Variants in KIFC3 observed in about 807,000 individuals in gnomAD.
The protein encoded by KIFC3 is kinesin-like protein KIFC3.
In KIFC3, 60 loss-of-function variants were observed where a neutral mutation model predicts 101.8. That is an observed-to-expected ratio of 0.59 (90% CI 0.48 to 0.73). The LOEUF (loss-of-function observed/expected upper bound fraction) is 0.73. Ranked by LOEUF, KIFC3 falls within the 30% of genes least tolerant of loss-of-function variation. KIFC3 has a pLI of 0.00. For synonymous variants in KIFC3, 476 were observed against 482.7 expected, an observed-to-expected ratio of 0.99 and a Z score of 0.18; for missense variants, 966 against 1,137.1, an observed-to-expected ratio of 0.85 and a Z score of 2.16.
intron 1 of KIFC3, among the ~76,000 whole-genome samples, chr16:57,844,076 C>T (rs1382496397): frequency 6.6e-6 from 1 of 151,528 alleles, no homozygotes; most frequent in Non-Finnish European, 1.5e-5. Flanking sequence ...CCACTGCACT[C>T]CAGCCTGGGC....
Position 57,798,155 on chromosome 16 carries a change from G to C in KIFC3, c.89C>G (p.Pro30Arg), listed in dbSNP as rs781922158. The C allele has an allele frequency of 6.5e-6, 10 of 1,545,490 alleles. No homozygotes were observed. The South Asian group carries it at 8.4e-5, about 13-fold the overall frequency. The change falls in exon 2 of 20, where the codon CCG (proline) becomes CGG (arginine). Residue 30 changes from proline to arginine, a missense_variant. Around this residue, in one of 2 missense-constraint regions of KIFC3, gnomAD observed 277 missense variants for 252.5 expected, o/e 1.10. Transcript: ENST00000445690. Reference protein sequence around the residue: ...WRVGRAPEPEPGMARPAPAPA... With the variant: ...WRVGRAPEPERGMARPAPAPA... Reference sequence around the variant, plus strand: ...GGCTGGGGCGGGGCGAGCCATCCCCGGCTCGGGCTCCGGGGCCCGGCCCAC... The same window carrying C: ...GGCTGGGGCGGGGCGAGCCATCCCCCGCTCGGGCTCCGGGGCCCGGCCCAC...
At chr16:57,859,810 G>T (rs247053) in intron 1 of KIFC3, among the ~76,000 whole-genome samples, 138,453 of 151,850 alleles carry the variant, frequency 0.91, 63,112 homozygotes, top group Middle Eastern at 0.97. Flanking sequence ...CCACTTGAGG[G>T]CAGGAGTTTG....
chr16:57,759,346 C>T (rs1043613267), intron 18 of KIFC3, 193 bp from the exon 19 acceptor site: 15 of 663,236 alleles, frequency 2.3e-5, no homozygotes, highest in Middle Eastern at 2.5e-4. Flanking sequence ...TAGGCAAGCC[C>T]GGCCCTTTCT....
At chr16:57,798,461 C>G in intron 1 of KIFC3, 179 bp from the exon 2 acceptor site, 1 of 625,988 alleles carries the variant, frequency 1.6e-6, no homozygotes. Context: ...ATGGGGCCTG[C>G]TGCCTTTTGG....
Position 57,838,891 on chromosome 16 carries a change from C to T in KIFC3, c.108+23838G>A, listed in dbSNP as rs749455259. On this transcript the variant is annotated intron_variant, in intron 1 of 2. Coordinates refer to the KIFC3 transcript ENST00000563028. ...GGCACCGCCATGTGTAGCTGCGTTA[C>T]GCTTTCGGTGGAAAGATGACATGGA... Among the ~76,000 whole-genome samples the T allele has an allele frequency of 3.3e-5, 5 of 152,256 alleles. No homozygotes were observed. The East Asian group carries it at 5.8e-4, about 18-fold the overall frequency.
intron 3 of KIFC3, chr16:57,779,428 A>G (rs1435674354): frequency 6.6e-6 from 1 of 152,270 alleles, no homozygotes; most frequent in Admixed American, 6.5e-5. Flanking sequence ...CCCAAATTTC[A>G]GTAGCAGAAG....
chr16:57,842,935 C>T (rs1464778804), intron 1 of KIFC3, among the ~76,000 whole-genome samples: 2 of 152,112 alleles, frequency 1.3e-5, no homozygotes, highest in African/African-American at 4.8e-5. Context: ...GAGTTTGAGA[C>T]CAGCTTGGCC....
intron 1 of KIFC3, among the ~76,000 whole-genome samples, chr16:57,801,671 G>A (rs1598170101): frequency 6.6e-6 from 1 of 152,210 alleles, no homozygotes; most frequent in African/African-American, 2.4e-5. Context: ...ATGGAGGTGG[G>A]GGCTGGGTGG....
At chr16:57,770,072 A>ATG in intron 7 of KIFC3, 117 bp from the exon 8 acceptor site, 4 of 1,206,212 alleles carry the variant, frequency 3.3e-6, no homozygotes, top group Non-Finnish European at 4.6e-6. Flanking sequence ...GCACACACAC[A>ATG]TGTGCACACC....
intron 10 of KIFC3, among the ~76,000 whole-genome samples, 164 bp downstream of exon 10, chr16:57,766,710 T>A (rs541974064): frequency 6.6e-6 from 1 of 152,322 alleles, no homozygotes; most frequent in Admixed American, 6.5e-5. Flanking sequence ...TTAATATCCA[T>A]GTGGCTTTGA....
intron 17 of KIFC3, 104 bp downstream of exon 17, chr16:57,760,178 G>T: frequency 7.3e-7 from 1 of 1,368,238 alleles, no homozygotes; most frequent in Non-Finnish European, 9.9e-7. Context: ...CAGCTTCCCT[G>T]CCCCCACTGC....
chr16:57,835,441 G>A (rs189918991), intron 1 of KIFC3, among the ~76,000 whole-genome samples: 50 of 152,212 alleles, frequency 3.3e-4, no homozygotes, highest in African/African-American at 1.0e-3. Context: ...TTTCCTTTGT[G>A]GATTTCCTGT....
intron 1 of KIFC3, among the ~76,000 whole-genome samples, chr16:57,850,629 C>T (rs912725647): frequency 6.6e-6 from 1 of 151,702 alleles, no homozygotes; most frequent in African/African-American, 2.4e-5. Flanking sequence ...GCGCCTGCCA[C>T]CATGCCCGGC....
intron 1 of KIFC3, among the ~76,000 whole-genome samples, chr16:57,812,374 A>C (rs1464793004): frequency 1.4e-5 from 2 of 146,278 alleles, no homozygotes; most frequent in African/African-American, 5.0e-5. Flanking sequence ...AAAAGAGGTC[A>C]GGCCAGAGCT....
At position 57,816,275 on chromosome 16, in the gene KIFC3, A is replaced by G. The variant is rs186675141; in HGVS notation, c.109-17993T>C. ...CCCAAATCACGACACTCCTTGCCCCAAACCCAGAAGCCTGAGGAAGTAAGG... is the reference window on the plus strand; with the variant it reads ...CCCAAATCACGACACTCCTTGCCCCGAACCCAGAAGCCTGAGGAAGTAAGG... On this transcript the variant is annotated intron_variant, in intron 1 of 2. Coordinates refer to the KIFC3 transcript ENST00000563028. The G allele has an allele frequency of 3.8e-5, 49 of 1,286,832 alleles. No homozygotes were observed. In the African/African-American group the frequency reaches 6.8e-4, roughly 18 times the overall value. 79.7% of individuals were successfully genotyped at this position (1,286,832 alleles called of 1,614,324 possible).
At chr16:57,761,348 A>G in intron 14 of KIFC3, 65 bp downstream of exon 14, 2 of 1,606,000 alleles carry the variant, frequency 1.2e-6, no homozygotes, top group Non-Finnish European at 1.7e-6. Context: ...AGCAGAGCCT[A>G]CATTCAAACC....
chr16:57,849,932 G>A (rs758724280), intron 1 of KIFC3, among the ~76,000 whole-genome samples: 24 of 151,750 alleles, frequency 1.6e-4, no homozygotes, highest in African/African-American at 4.6e-4. Flanking sequence ...TTAATGGGCC[G>A]GGTGCAGAGG....
In KIFC3 at chr16:57,759,771, G is replaced by T; in HGVS notation, c.2433C>A (p.Thr811=). 1 of 1,611,460 alleles carries T rather than the reference G, an allele frequency of 6.2e-7. No individual in the cohort carries two copies. Among genetic ancestry groups the T allele is most frequent in the Non-Finnish European group, 8.5e-7 (1 of 1,179,044 alleles). Residue 811 remains threonine (T), a synonymous_variant, in exon 18 of 20, where the codon ACC becomes ACA. Transcript: ENST00000445690. ...ARAHSAPSSG[T]SSRPGSIRRK... is the part of the protein sequence containing the mutation. ...TCCGGATGGATCCAGGGCGGCTACTGGTCCCAGAGCTGGGGGCTGAGTGGG... is the reference window on the plus strand; with the variant it reads ...TCCGGATGGATCCAGGGCGGCTACTTGTCCCAGAGCTGGGGGCTGAGTGGG...
At chr16:57,807,744 C>G (rs2054968378), upstream of KIFC3, 1 of 151,916 alleles carries the variant, frequency 6.6e-6, no homozygotes, top group Admixed American at 6.6e-5. Flanking sequence ...CTAGACCAGC[C>G]TGAACAACAT....
Sources: gnomAD v4.1 joint callset for allele counts (sites outside exome capture counted in the v4.1 genomes callset) on GRCh38, gnomAD v4.1.1 for gene constraint, gnomAD v4.1.1 regional missense constraint, MANE v1.5 for transcripts, NCBI Gene and HGNC (gene_info 2026-07-23, HGNC 2026-07-21) for gene names.